Variants in HPS1 observed in about 807,000 individuals in gnomAD.
HPS1 encodes HPS1 biogenesis of lysosomal organelles complex 3 subunit 1, also known as BLOC-3 complex member HPS1.
HPS1 carries 59 observed loss-of-function variants against 90.6 expected under a neutral mutation model. The observed-to-expected ratio is 0.65, with a 90% CI of 0.53 to 0.81. The LOEUF is 0.81. Among genes scored for constraint, HPS1 ranks in the 30% least tolerant of loss-of-function variants. The pLI is 0.00. For synonymous variants in HPS1, 388 were observed against 384.4 expected (o/e 1.01, Z -0.11); for missense variants, 849 against 896.7 (o/e 0.95, Z 0.68).
chr10:98,434,588 G>A (rs1847020711), intron 5 of HPS1, among the ~76,000 whole-genome samples: 1 of 151,818 alleles, frequency 6.6e-6, no homozygotes, highest in Non-Finnish European at 1.5e-5. Flanking sequence ...TTGTGCATTT[G>A]AGAAATGCCT....
intron 3 of HPS1, among the ~76,000 whole-genome samples, chr10:98,438,731 G>A (rs906386100): frequency 2.0e-5 from 3 of 152,218 alleles, no homozygotes; most frequent in African/African-American, 7.2e-5. Flanking sequence ...TTTCTGAGGA[G>A]AAATTCAAGC....
rs554756015 is a variant in HPS1 at position 98,441,819 on chromosome 10, A to T, written c.117+1305T>A. On this transcript the variant is annotated intron_variant, in intron 3 of 19. Transcript: ENST00000361490. The stretch of plus-strand genomic sequence containing the variant: ...AACATCTATTAGAATGGCTAAAATT[A>T]AAAAGACGGACTATAGTGTTGGTGA... Among the ~76,000 whole-genome samples, 130 of 152,388 alleles carry T rather than the reference A, an allele frequency of 8.5e-4. 3 individuals carry two copies. Among genetic ancestry groups the T allele is most frequent in the Admixed American group, 8.5e-3 (130 of 15,310 alleles).
intron 17 of HPS1, among the ~76,000 whole-genome samples, chr10:98,421,979 GACACAC>G (rs200573934): frequency 0.22 from 30,983 of 139,946 alleles, 3,534 homozygotes; most frequent in South Asian, 0.42. Flanking sequence ...CACACACACA[GACACAC>G]ACACACACAC....
Position 98,423,896 on chromosome 10 carries a change from G to A in HPS1, c.1398-9C>T, listed in dbSNP as rs773047618. The A allele has an allele frequency of 1.1e-5, 17 of 1,613,100 alleles. No individual in the cohort carries two copies. In the East Asian group the frequency reaches 1.3e-4, roughly 13 times the overall value. On this transcript the variant is annotated splice_polypyrimidine_tract_variant and intron_variant, in intron 14 of 19. Transcript: ENST00000361490. ...CACATGCCTGGAGCAGCCTGAGCAC[G>A]AGAGAGGAGGGCATTACAGCAGAAG...
In HPS1 at chr10:98,429,772, C is replaced by A; in HGVS notation, c.867+19G>T. The A allele has an allele frequency of 6.2e-7, 1 of 1,613,712 alleles. No individual in the cohort carries two copies. Among genetic ancestry groups the A allele is most frequent in the South Asian group, 1.1e-5 (1 of 91,074 alleles). ...CGATCCCCTCCTGCCCCTGACTCCA[C>A]GAAGTGCACAGCACACACCGTCTCT... On this transcript the variant is annotated intron_variant, in intron 9 of 19. Transcript: ENST00000361490.
intron 18 of HPS1, among the ~76,000 whole-genome samples, chr10:98,419,485 C>T (rs761813216): frequency 2.0e-5 from 3 of 152,034 alleles, no homozygotes; most frequent in East Asian, 2.0e-4. Flanking sequence ...TCCCTGACCC[C>T]GTTGTATGGA....
In HPS1 at chr10:98,422,403, C is replaced by A; in HGVS notation, c.1709G>T (p.Gly570Val). 3 of 1,613,958 alleles carry A rather than the reference C, an allele frequency of 1.9e-6. No individual in the cohort carries two copies. Among genetic ancestry groups the A allele is most frequent in the Non-Finnish European group, 2.5e-6 (3 of 1,179,950 alleles). The change falls in exon 17 of 20, where the codon GGC becomes GTC. Residue 570 changes from glycine to valine, a missense_variant. Gly to Val is a moderately radical substitution (Grantham distance 109). Coordinates refer to ENST00000361490, the MANE Select transcript of HPS1 (RefSeq NM_000195.5). ...NCSQKTSSEL[G>V]KGPLAAFVKT... ...GACAAAGGCAGCCAGCGGCCCCTTG[C>A]CCAACTCCGACGAGGTCTTTTGACT... is the stretch of plus-strand genomic sequence containing the variant.
intron 5 of HPS1, among the ~76,000 whole-genome samples, chr10:98,434,473 C>T (rs1321074045): frequency 1.3e-5 from 2 of 150,208 alleles, no homozygotes; most frequent in Non-Finnish European, 1.5e-5. Flanking sequence ...ATGCTGGCAA[C>T]GTCTGCACTG....
Position 98,417,936 on chromosome 10 carries a change from G to A in HPS1, c.1941-210C>T, listed in dbSNP as rs1844315374. Among the ~76,000 whole-genome samples, 1 of 152,166 alleles carries A rather than the reference G, an allele frequency of 6.6e-6. No homozygotes were observed. Among genetic ancestry groups the A allele is most frequent in the South Asian group, 2.1e-4 (1 of 4,826 alleles). ...GTAGCAGTGGGGATGTTCTGGGCCG[G>A]GCACAGACGTTCCCCGTGCTGCCAA... On this transcript the variant is annotated intron_variant, in intron 19 of 19. Transcript: ENST00000361490. The surrounding 1 kb of genome is among the most constrained non-coding windows in gnomAD (Gnocchi z 4.2).
In HPS1 at chr10:98,435,164, T is replaced by C; in HGVS notation, c.398+108A>G. 2.2e-6 allele frequency: 3 copies of C among 1,366,128 alleles called. No homozygotes were observed. Among genetic ancestry groups the C allele is most frequent in the Non-Finnish European group, 3.1e-6 (3 of 959,822 alleles). The allele number at this position is 1,366,128 out of a possible 1,614,324, so 84.6% of individuals were successfully genotyped here. On this transcript the variant is annotated intron_variant, in intron 5 of 19. Coordinates refer to ENST00000361490, the MANE Select transcript of HPS1 (RefSeq NM_000195.5). This position sits in a 1 kb window ranked among gnomAD's most constrained non-coding sequence, Gnocchi z 4.3. Reference sequence around the variant, plus strand: ...TGTTTCTCTGACCTAGGGACCCAGCTGGGGGCAGTATGTGAAAAATGGCAG... The same window carrying C: ...TGTTTCTCTGACCTAGGGACCCAGCCGGGGGCAGTATGTGAAAAATGGCAG...
chr10:98,442,860 G>C (rs911288783), intron 3 of HPS1: 1 of 485,624 alleles, frequency 2.1e-6, no homozygotes, highest in Non-Finnish European at 3.8e-6. Flanking sequence ...CTTCTGTTAC[G>C]TGATAAAATT....
At chr10:98,418,138 G>A (rs760600481) in intron 19 of HPS1, 37 bp downstream of exon 19, 28 of 1,375,426 alleles carry the variant, frequency 2.0e-5, no homozygotes, top group African/African-American at 2.9e-5. Flanking sequence ...ACCCAAATGG[G>A]GGCATCTGTC....
At chr10:98,418,618 C>T (rs1844436332) in intron 18 of HPS1, among the ~76,000 whole-genome samples, 1 of 152,236 alleles carries the variant, frequency 6.6e-6, no homozygotes, top group South Asian at 2.1e-4. Context: ...TGGGAATTCC[C>T]AGGGTGGGAT....
At position 98,417,487 on chromosome 10, in the gene HPS1, G is replaced by T; in HGVS notation, c.*77C>A. The T allele has an allele frequency of 7.5e-7, 1 of 1,326,800 alleles. No homozygotes were observed. Among genetic ancestry groups the T allele is most frequent in the Non-Finnish European group, 1.0e-6 (1 of 955,748 alleles). 82.2% of individuals were successfully genotyped at this position (1,326,800 alleles called of 1,614,324 possible). ...TCAGGATGGCCACTGCAGACAGGAG[G>T]CTCTCGTCATGGGGAACAGTGGCAA... On this transcript the variant is annotated 3_prime_UTR_variant, in exon 20 of 20. Transcript: ENST00000361490. This position sits in a 1 kb window ranked among gnomAD's most constrained non-coding sequence, Gnocchi z 4.2.
At chr10:98,434,222 GA>G in intron 5 of HPS1, 131 bp from the exon 6 acceptor site, 2 of 902,076 alleles carry the variant, frequency 2.2e-6, no homozygotes, top group Non-Finnish European at 3.3e-6. Context: ...ACACAGCTGG[GA>G]AAGGGGGCCA....
intron 8 of HPS1, 51 bp downstream of exon 8, chr10:98,430,520 C>A: frequency 2.1e-6 from 3 of 1,445,362 alleles, no homozygotes; most frequent in Non-Finnish European, 2.9e-6. Flanking sequence ...GGCAGGTTTT[C>A]TGAACTACCT....
At chr10:98,422,063 A>G (rs1844949889) in intron 17 of HPS1, among the ~76,000 whole-genome samples, 1 of 152,136 alleles carries the variant, frequency 6.6e-6, no homozygotes, top group Non-Finnish European at 1.5e-5. Context: ...TATCAAAAAT[A>G]CAACTTTGTC....
At chr10:98,414,795 G>C (rs1843933529), downstream of HPS1, 1 of 610,902 alleles carries the variant, frequency 1.6e-6, no homozygotes, top group African/African-American at 1.9e-5. Flanking sequence ...TTTGCCCCAG[G>C]CCACACAGCA....
In HPS1 at chr10:98,416,232, T is replaced by C. The variant is rs1308890096; in HGVS notation, c.*1332A>G. 6.6e-6 allele frequency: 1 copy of C among 152,324 alleles called. No individual in the cohort carries two copies. Among genetic ancestry groups the C allele is most frequent in the African/African-American group, 2.4e-5 (1 of 41,444 alleles). The allele number at this position is 152,324 out of a possible 1,614,324, so 9.4% of individuals were successfully genotyped here. On this transcript the variant is annotated 3_prime_UTR_variant, in exon 20 of 20. Coordinates refer to ENST00000361490, the MANE Select transcript of HPS1 (RefSeq NM_000195.5). ...GGATGTTCACTCCTGTGTTATTTAT[T>C]ATATAGAAAGATCAAGGGGACTGGT... is the stretch of plus-strand genomic sequence containing the variant.
Sources: allele counts gnomAD v4.1 joint callset (sites outside exome capture counted in the v4.1 genomes callset), GRCh38; gene constraint gnomAD v4.1.1; non-coding constraint Gnocchi (gnomAD v3.1); transcripts MANE v1.5; gene names NCBI Gene and HGNC (gene_info 2026-07-23, HGNC 2026-07-21).